The following TPD52 variants were observed in gnomAD, a reference collection of about 807,000 sequenced individuals.
TPD52 encodes tumor protein D52.
In TPD52, 17 loss-of-function variants were observed where a neutral mutation model predicts 31.3. The observed-to-expected ratio is 0.54, with a 90% confidence interval of 0.37 to 0.82. TPD52 has a LOEUF of 0.82. Ranked by LOEUF, TPD52 falls within the 40% of genes least tolerant of loss-of-function variation. The probability of loss-of-function intolerance (pLI) is 0.00; values close to 1 mark genes in which losing one functional copy is unlikely to be tolerated. For synonymous variants in TPD52, 83 were observed against 89.6 expected, an observed-to-expected ratio of 0.93 and a Z score of 0.42; for missense variants, 212 against 240.1, an observed-to-expected ratio of 0.88 and a Z score of 0.77.
Position 80,154,706 on chromosome 8 carries a change from T to TACACAC in TPD52, c.19+16713_19+16718dup, listed in dbSNP as rs36076685. Among the ~76,000 whole-genome samples, 3 of 77,680 alleles carry TACACAC rather than the reference T, an allele frequency of 3.9e-5. No individual in the cohort carries two copies. In the South Asian group the frequency reaches 1.1e-3, roughly 29 times the overall value. 51.0% of individuals were successfully genotyped at this position (77,680 alleles called of 152,430 possible). On this transcript the variant is annotated intron_variant, in intron 1 of 7. Transcript: ENST00000518937. The stretch of plus-strand genomic sequence containing the variant: ...TTCTTCTATGCTTTGAATCATGACA[T>TACACAC]ACACACACACACACACACACACACA...
chr8:80,055,697 A>G (rs749245771), intron 2 of TPD52, among the ~76,000 whole-genome samples: 1 of 152,216 alleles, frequency 6.6e-6, no homozygotes, highest in Admixed American at 6.5e-5. Flanking sequence ...AACAAAACAA[A>G]CAAGCAATCC....
At chr8:80,136,348 C>A (rs1445143758) in intron 1 of TPD52, among the ~76,000 whole-genome samples, 3 of 150,294 alleles carry the variant, frequency 2.0e-5, no homozygotes, top group Non-Finnish European at 4.4e-5. Context: ...CACGGTGAAA[C>A]CCCATCTCTA....
At chr8:80,145,899 C>A (rs1015581889) in intron 1 of TPD52, among the ~76,000 whole-genome samples, 1 of 152,122 alleles carries the variant, frequency 6.6e-6, no homozygotes, top group East Asian at 1.9e-4. Context: ...TGTTAAAAAT[C>A]TCATATCTAT....
At chr8:80,112,325 GGTAA>G (rs1392274047) in intron 1 of TPD52, among the ~76,000 whole-genome samples, 1 of 152,154 alleles carries the variant, frequency 6.6e-6, no homozygotes, top group East Asian at 1.9e-4. Flanking sequence ...GCACAGAAAA[GGTAA>G]GTAAGTATCT....
At chr8:80,032,204 A>T (rs1809712587), downstream of TPD52, among the ~76,000 whole-genome samples, 1 of 151,774 alleles carries the variant, frequency 6.6e-6, no homozygotes. Context: ...AATGACTTCA[A>T]ATTTGGCCTT....
intron 1 of TPD52, among the ~76,000 whole-genome samples, chr8:80,138,643 T>C (rs1452979766): frequency 6.6e-6 from 1 of 152,232 alleles, no homozygotes; most frequent in East Asian, 1.9e-4. Flanking sequence ...TCAAATGTTG[T>C]AACCAGACTT....
intron 1 of TPD52, 128 bp downstream of exon 1, chr8:80,171,297 G>A (rs1812073110): frequency 2.4e-6 from 3 of 1,253,394 alleles, no homozygotes; most frequent in African/African-American, 2.9e-5. Flanking sequence ...TGCAACTTGC[G>A]GCGCCGGCCC....
chr8:80,088,176 G>A (rs1001663704), intron 1 of TPD52, among the ~76,000 whole-genome samples: 2 of 152,132 alleles, frequency 1.3e-5, no homozygotes, highest in African/African-American at 4.8e-5. Flanking sequence ...GGGCAGTAAG[G>A]ATAAGCCAGT....
intron 1 of TPD52, 153 bp downstream of exon 1, chr8:80,171,272 T>A (rs1449889725): frequency 1.0e-6 from 1 of 991,526 alleles, no homozygotes; most frequent in African/African-American, 1.6e-5. Flanking sequence ...GGATGCCAGA[T>A]CCGGATCCGG....
In TPD52 at chr8:80,043,505, G is replaced by A. The variant is rs150291074; in HGVS notation, c.455+662C>T. Reference sequence around the variant, plus strand: ...TTAAGCCAACAGCTCTCAAAGTGTGGGCCCCAGACCAGCTGCTGCTGCAGC... The same window carrying A: ...TTAAGCCAACAGCTCTCAAAGTGTGAGCCCCAGACCAGCTGCTGCTGCAGC... On this transcript the variant is annotated intron_variant, in intron 6 of 7. Coordinates refer to ENST00000518937, the MANE Select transcript of TPD52 (RefSeq NM_001025253.3). Among the ~76,000 whole-genome samples the A allele has an allele frequency of 2.8e-3, 430 of 152,238 alleles. 9 individuals carry two copies. The highest frequency in any genetic ancestry group is 0.022 in the Admixed American group (334 of 15,288).
chr8:80,151,580 A>G (rs966051257), intron 1 of TPD52, among the ~76,000 whole-genome samples: 1 of 152,228 alleles, frequency 6.6e-6, no homozygotes, highest in Non-Finnish European at 1.5e-5. Flanking sequence ...AAAAAAGATC[A>G]GTTTTTTCTG....
chr8:80,143,209 AC>A (rs5892712), intron 1 of TPD52, among the ~76,000 whole-genome samples: 76,740 of 151,994 alleles, frequency 0.5, 19,820 homozygotes, highest in East Asian at 0.79. Context: ...TGTATATACC[AC>A]CAAGAACAAT....
intron 2 of TPD52, among the ~76,000 whole-genome samples, chr8:80,055,040 C>T (rs995134115): frequency 5.3e-5 from 8 of 152,200 alleles, no homozygotes; most frequent in Non-Finnish European, 8.8e-5. Flanking sequence ...TCTGAATGCA[C>T]GTCTCAGTTT....
At chr8:80,051,214 G>A (rs2130523548) in intron 4 of TPD52, 1 of 392,856 alleles carries the variant, frequency 2.5e-6, no homozygotes, top group South Asian at 2.8e-5. Flanking sequence ...ACCAGGCTCT[G>A]CCCACAATCA....
At chr8:80,071,222 C>A (rs1249758165) in intron 1 of TPD52, among the ~76,000 whole-genome samples, 1 of 152,168 alleles carries the variant, frequency 6.6e-6, no homozygotes, top group Non-Finnish European at 1.5e-5. Context: ...TACCGCAGCC[C>A]CAGGAGAATA....
chr8:80,127,958 CTTCTG>C (rs1308215419), intron 1 of TPD52, among the ~76,000 whole-genome samples: 5 of 151,540 alleles, frequency 3.3e-5, no homozygotes, highest in Non-Finnish European at 7.4e-5. Context: ...ACTTTGTACT[CTTCTG>C]TGCTGCTTGG....
chr8:80,163,996 A>C (rs566255069), intron 1 of TPD52, among the ~76,000 whole-genome samples: 1 of 151,310 alleles, frequency 6.6e-6, no homozygotes, highest in East Asian at 1.9e-4. Context: ...ATAAAGAAAC[A>C]GACCAAATTC....
chr8:80,054,630 TA>T (rs1811686900), intron 2 of TPD52, among the ~76,000 whole-genome samples: 1 of 151,914 alleles, frequency 6.6e-6, no homozygotes, highest in African/African-American at 2.4e-5. Context: ...AAAAATAACA[TA>T]GAGTATTGCT....
intron 1 of TPD52, among the ~76,000 whole-genome samples, chr8:80,157,718 TCTAGA>T (rs1811068703): frequency 6.6e-6 from 1 of 152,188 alleles, no homozygotes; most frequent in African/African-American, 2.4e-5. Flanking sequence ...AAATGTCACC[TCTAGA>T]CTAAACTGCT....
Sources: gnomAD v4.1 joint callset for allele counts (sites outside exome capture counted in the v4.1 genomes callset) on GRCh38, gnomAD v4.1.1 for gene constraint, MANE v1.5 for transcripts, NCBI Gene and HGNC (gene_info 2026-07-23, HGNC 2026-07-21) for gene names.